Variants in FAM114A2 observed in about 807,000 individuals in gnomAD.
FAM114A2 encodes protein FAM114A2.
Under a neutral mutation model 58.4 loss-of-function variants are expected in FAM114A2, and 53 were observed. The ratio of observed to expected loss-of-function variants is 0.91; its 90% confidence interval spans 0.73 to 1.14. The LOEUF (loss-of-function observed/expected upper bound fraction) is 1.14. Among genes scored for constraint, FAM114A2 ranks in the 50% most tolerant of loss-of-function variants. FAM114A2 has a pLI of 0.00. For missense variants in FAM114A2, 601 were observed against 581.1 expected (o/e 1.03, Z -0.35); for synonymous variants, 228 against 211.4 (o/e 1.08, Z -0.68).
chr5:154,031,992 T>C (rs867872043), intron 4 of FAM114A2, among the ~76,000 whole-genome samples: 2 of 152,382 alleles, frequency 1.3e-5, no homozygotes, highest in Non-Finnish European at 1.5e-5. Flanking sequence ...CTACGTTTAC[T>C]TTATTTCATG....
rs911645959 is a variant in FAM114A2, at chr5:153,991,676, A to ATGGCT, written c.*1295_*1299dup. ...AACAGTCTTTATACTAATCTATGTT[A>ATGGCT]TGGCTTTGCTTTGCTATTTTTTTTT... On this transcript the variant is annotated 3_prime_UTR_variant, in exon 14 of 14. Coordinates refer to ENST00000351797, the MANE Select transcript of FAM114A2 (RefSeq NM_018691.4). 20 of 147,788 alleles carry ATGGCT rather than the reference A, an allele frequency of 1.4e-4. No homozygotes were observed. Among genetic ancestry groups the ATGGCT allele is most frequent in the African/African-American group, 4.5e-4 (18 of 40,112 alleles). The allele number at this position is 147,788 out of a possible 1,614,324, so 9.2% of individuals were successfully genotyped here.
chr5:154,023,235 C>T (rs961095564), intron 8 of FAM114A2, among the ~76,000 whole-genome samples: 10 of 151,946 alleles, frequency 6.6e-5, no homozygotes, highest in East Asian at 1.9e-4. Flanking sequence ...TGTATACATA[C>T]GTAACAGGCC....
chr5:153,993,294 G>A (rs1769351027), intron 13 of FAM114A2, among the ~76,000 whole-genome samples, 184 bp from the exon 14 acceptor site: 1 of 152,186 alleles, frequency 6.6e-6, no homozygotes, highest in South Asian at 2.1e-4. Context: ...TAGCTCTTAA[G>A]ATGATATGAG....
At chr5:154,002,804 A>C (rs202232335) in intron 10 of FAM114A2, 43 bp downstream of exon 10, 3 of 1,609,818 alleles carry the variant, frequency 1.9e-6, no homozygotes, top group East Asian at 4.5e-5. Flanking sequence ...ACACATTTCA[A>C]ATCTACTAAA....
At chr5:154,024,373 A>G (rs1771641670) in intron 8 of FAM114A2, among the ~76,000 whole-genome samples, 2 of 152,156 alleles carry the variant, frequency 1.3e-5, no homozygotes, top group African/African-American at 4.8e-5. Flanking sequence ...CATACCACTT[A>G]TTAACATAAA....
chr5:154,027,183 T>C lies in FAM114A2; in HGVS notation c.782A>G (p.Glu261Gly). ...ATTTTGGCTTGGAATTACCTTTATT[T>C]CACTTTCTTGGGAAAGCATCTCCAG... ...EALEMLSQESEIKVKSILNSL... is the reference protein window; with the variant it reads ...EALEMLSQESGIKVKSILNSL... The change falls in exon 7 of 14, where the codon GAA (glutamate) becomes GGA (glycine). Residue 261 changes from glutamate (E) to glycine (G), a missense_variant. By Grantham distance (98) the Glu-to-Gly change is moderately conservative. Coordinates refer to ENST00000351797, the MANE Select transcript of FAM114A2 (RefSeq NM_018691.4). The C allele has an allele frequency of 6.2e-7, 1 of 1,608,206 alleles. No homozygotes were observed. Among genetic ancestry groups the C allele is most frequent in the African/African-American group, 1.3e-5 (1 of 74,498 alleles).
chr5:154,001,934 T>C (rs563865390), intron 11 of FAM114A2, among the ~76,000 whole-genome samples: 2 of 152,330 alleles, frequency 1.3e-5, no homozygotes, highest in East Asian at 3.9e-4. Flanking sequence ...TAGCACTCAA[T>C]AATAACTATT....
At chr5:154,020,881 A>G (rs941759535) in intron 8 of FAM114A2, among the ~76,000 whole-genome samples, 8 of 152,158 alleles carry the variant, frequency 5.3e-5, no homozygotes, top group African/African-American at 1.9e-4. Flanking sequence ...GATGAACATC[A>G]ATGCAAAAAT....
intron 9 of FAM114A2, among the ~76,000 whole-genome samples, chr5:154,005,853 A>C (rs1464377337): frequency 6.6e-6 from 1 of 152,218 alleles, no homozygotes; most frequent in Non-Finnish European, 1.5e-5. Flanking sequence ...AGACTTTGAG[A>C]GTCATTCTAA....
rs949123446 is a variant in FAM114A2 at position 153,992,748 on chromosome 5, A to C, written c.*228T>G. On this transcript the variant is annotated 3_prime_UTR_variant, in exon 14 of 14. Coordinates refer to ENST00000351797, the MANE Select transcript of FAM114A2 (RefSeq NM_018691.4). ...GTTATTATTCTTGGACTTTCTACAAAAGTTTCTTTTCAAATAATTTATGAA... is the reference window on the plus strand; with the variant it reads ...GTTATTATTCTTGGACTTTCTACAACAGTTTCTTTTCAAATAATTTATGAA... 1.1e-4 allele frequency: 37 copies of C among 350,894 alleles called. No homozygotes were observed. The highest frequency in any genetic ancestry group is 1.8e-4 in the Non-Finnish European group (35 of 196,418). 21.7% of individuals were successfully genotyped at this position (350,894 alleles called of 1,614,324 possible).
At chr5:153,998,409 G>A (rs1769727605) in intron 11 of FAM114A2, among the ~76,000 whole-genome samples, 1 of 152,150 alleles carries the variant, frequency 6.6e-6, no homozygotes. Flanking sequence ...TAGGAGGTGG[G>A]ACCAAGTGGT....
intron 11 of FAM114A2, among the ~76,000 whole-genome samples, chr5:154,000,975 A>G (rs771889678): frequency 1.4e-4 from 21 of 152,302 alleles, no homozygotes; most frequent in Non-Finnish European, 2.6e-4. Flanking sequence ...TACATGTATC[A>G]TTTCTAATTT....
Position 153,993,747 on chromosome 5 carries a change from T to C in FAM114A2, c.1384-637A>G, listed in dbSNP as rs549004351. ...AACAGAGAGCTCATTAAGATAAAAA[T>C]GTATAATTTCGAAGACAAGAGTGTT... On this transcript the variant is annotated intron_variant, in intron 13 of 13. Coordinates refer to ENST00000351797, the MANE Select transcript of FAM114A2 (RefSeq NM_018691.4). 4.3e-4 allele frequency among the ~76,000 whole-genome samples: 65 copies of C among 152,086 alleles called. 1 individual carries two copies. Among genetic ancestry groups the C allele is most frequent in the Non-Finnish European group, 5.6e-4 (38 of 67,972 alleles).
intron 13 of FAM114A2, among the ~76,000 whole-genome samples, chr5:153,993,523 C>G (rs1561536144): frequency 6.6e-6 from 1 of 152,134 alleles, no homozygotes; most frequent in Non-Finnish European, 1.5e-5. Context: ...AGCTCTTTTT[C>G]CATGGACTCA....
At chr5:154,022,127 T>G (rs2113408350) in intron 8 of FAM114A2, among the ~76,000 whole-genome samples, 1 of 152,266 alleles carries the variant, frequency 6.6e-6, no homozygotes, top group East Asian at 1.9e-4. Context: ...TCCTTACACC[T>G]TATACAAAAA....
intron 8 of FAM114A2, 117 bp from the exon 9 acceptor site, chr5:154,011,437 A>T (rs1770694498): frequency 1.5e-6 from 1 of 659,344 alleles, no homozygotes; most frequent in Non-Finnish European, 2.7e-6. Flanking sequence ...AGTAATAACA[A>T]TAGTAGCAGC....
rs1459222289 is a variant in FAM114A2, at chr5:153,992,876, T to C, written c.*100A>G. The C allele has an allele frequency of 5.7e-6, 6 of 1,054,784 alleles. No homozygotes were observed. The highest frequency in any genetic ancestry group is 2.5e-5 in the East Asian group (1 of 39,458). The allele number at this position is 1,054,784 out of a possible 1,614,324, so 65.3% of individuals were successfully genotyped here. On this transcript the variant is annotated 3_prime_UTR_variant, in exon 14 of 14. Transcript: ENST00000351797. ...ACCATCTCTCCTGCCTGAATTTTTA[T>C]ATACTAAAATAACCCCACTCCTTCA... is the stretch of plus-strand genomic sequence containing the variant.
At chr5:154,034,682 C>A in intron 2 of FAM114A2, 62 bp downstream of exon 2, 1 of 1,228,740 alleles carries the variant, frequency 8.1e-7, no homozygotes. Flanking sequence ...TTCTTTTAGC[C>A]CCAACATTTT....
intron 4 of FAM114A2, 112 bp downstream of exon 4, chr5:154,033,679 C>T: frequency 7.7e-6 from 5 of 647,272 alleles, no homozygotes; most frequent in East Asian, 5.6e-5. Flanking sequence ...TTTCTCACTA[C>T]AGTCCCACGA....
Sources: gnomAD v4.1 joint callset for allele counts (sites outside exome capture counted in the v4.1 genomes callset) on GRCh38, gnomAD v4.1.1 for gene constraint, MANE v1.5 for transcripts, NCBI Gene and HGNC (gene_info 2026-07-23, HGNC 2026-07-21) for gene names.